USP24: variants seen among roughly 807,000 people sequenced by gnomAD.
USP24 encodes ubiquitin carboxyl-terminal hydrolase 24.
Under a neutral mutation model 361.6 loss-of-function variants are expected in USP24, and 97 were observed. That is an observed-to-expected ratio of 0.27 (90% CI 0.23 to 0.32). The LOEUF (loss-of-function observed/expected upper bound fraction) is 0.32. Ranked by LOEUF, USP24 falls within the 10% of genes least tolerant of loss-of-function variation. The probability of loss-of-function intolerance (pLI) is 1.00; values close to 1 mark genes in which losing one functional copy is unlikely to be tolerated. For missense variants in USP24, 2,353 were observed against 3,165.6 expected (o/e 0.74, Z 6.16); for synonymous variants, 1,098 against 1,124.6 (o/e 0.98, Z 0.47).
At chr1:55,129,247 C>T (rs1168336554) in intron 32 of USP24, among the ~76,000 whole-genome samples, 1 of 152,114 alleles carries the variant, frequency 6.6e-6, no homozygotes, top group Non-Finnish European at 1.5e-5. Flanking sequence ...AAAATTTCCC[C>T]CACTACCAGA....
In USP24 at chr1:55,177,926, G is replaced by T. The variant is rs1650151434; in HGVS notation, c.490+41C>A. The T allele has an allele frequency of 4.6e-6, 7 of 1,524,168 alleles. No individual in the cohort carries two copies. In the South Asian group the frequency reaches 8.6e-5, roughly 19 times the overall value. The allele number at this position is 1,524,168 out of a possible 1,614,324, so 94.4% of individuals were successfully genotyped here. ...CTAAGATTAAACTCAGGCCTTCTAT[G>T]AAACAAATGTCCTCATGTGTTCTAA... On this transcript the variant is annotated intron_variant, in intron 2 of 67. Coordinates refer to ENST00000294383, the MANE Select transcript of USP24 (RefSeq NM_015306.3).
In USP24 at chr1:55,077,307, T is replaced by C. The variant is rs769193274; in HGVS notation, c.7315-7A>G. Reference sequence around the variant, plus strand: ...GAGCCGTTTCTAGTTGGTTCTGAAATATTTTTTAAAAGCATAAAAACTTCA... The same window carrying C: ...GAGCCGTTTCTAGTTGGTTCTGAAACATTTTTTAAAAGCATAAAAACTTCA... On this transcript the variant is annotated splice_region_variant and splice_polypyrimidine_tract_variant and intron_variant, in intron 61 of 67. Transcript: ENST00000294383. 5 of 1,549,016 alleles carry C rather than the reference T, an allele frequency of 3.2e-6. No homozygotes were observed. In the African/African-American group the frequency reaches 4.1e-5, roughly 13 times the overall value.
chr1:55,079,979 C>G (rs1411715485), intron 59 of USP24, among the ~76,000 whole-genome samples: 2 of 152,114 alleles, frequency 1.3e-5, no homozygotes, highest in Admixed American at 1.3e-4. Flanking sequence ...CCCTCACAGT[C>G]TAGGGGGGAT....
chr1:55,115,326 C>T (rs981196185), intron 38 of USP24, among the ~76,000 whole-genome samples: 3 of 151,530 alleles, frequency 2.0e-5, no homozygotes, highest in Non-Finnish European at 2.9e-5. Flanking sequence ...GAAACCCCGT[C>T]TCTACTAAAA....
chr1:55,138,654 G>C lies in USP24; in HGVS notation c.2882C>G (p.Thr961Ser), dbSNP rs1406269953. The C allele has an allele frequency of 1.2e-6, 2 of 1,613,112 alleles. No homozygotes were observed. Among genetic ancestry groups the C allele is most frequent in the Non-Finnish European group, 1.7e-6 (2 of 1,179,460 alleles). Residue 961 changes from threonine (T) to serine (S), a missense_variant, in exon 26 of 68, where the codon ACC becomes AGC. Around this residue, in one of 8 missense-constraint regions of USP24, gnomAD observed 949 missense variants for 1,280.5 expected, o/e 0.74. Transcript: ENST00000294383. ...HGASFHGHLL[T>S]LNVTYESTKD... is the part of the protein sequence containing the mutation. ...GGTAGACTCATAGGTAACATTAAGG[G>C]TTAAAAGATGTCCATGAAATGAGGC...
At chr1:55,207,434 CTGA>C (rs1644740394) in intron 1 of USP24, among the ~76,000 whole-genome samples, 1 of 152,186 alleles carries the variant, frequency 6.6e-6, no homozygotes, top group Non-Finnish European at 1.5e-5. Flanking sequence ...TGGAAACCTA[CTGA>C]TACAGGAGTT....
rs1645588670 is a variant in USP24, at chr1:55,099,884, T to G, written c.5272-15A>C. 6.6e-7 allele frequency: 1 copy of G among 1,525,952 alleles called. No homozygotes were observed. The highest frequency in any genetic ancestry group is 1.4e-5 in the African/African-American group (1 of 72,028). The allele number at this position is 1,525,952 out of a possible 1,614,324, so 94.5% of individuals were successfully genotyped here. On this transcript the variant is annotated splice_polypyrimidine_tract_variant and intron_variant, in intron 44 of 67. Coordinates refer to ENST00000294383, the MANE Select transcript of USP24 (RefSeq NM_015306.3). ...ATCTTGAAAATCTATATAACAAAAA[T>G]TAAATGTTTTTAAAGGAAAAGTAGC... is the stretch of plus-strand genomic sequence containing the variant.
At position 55,147,674 on chromosome 1, in the gene USP24, A is replaced by T; in HGVS notation, c.2093T>A (p.Val698Glu). Residue 698 changes from valine (V) to glutamate (E), a missense_variant, in exon 18 of 68, where the codon GTG becomes GAG. By Grantham distance (121) the Val-to-Glu change is moderately radical. Transcript: ENST00000294383. ...CTCCCGGTAAGTGTACCGGCCATCCACTAGTGTCGAGCCACTTAAGCCTCC... is the reference window on the plus strand; with the variant it reads ...CTCCCGGTAAGTGTACCGGCCATCCTCTAGTGTCGAGCCACTTAAGCCTCC... ...GPGGLSGSTL[V>E]DGRYTYREYL... is the part of the protein sequence containing the mutation. 1 of 1,610,386 alleles carries T rather than the reference A, an allele frequency of 6.2e-7. No individual in the cohort carries two copies. Among genetic ancestry groups the T allele is most frequent in the Non-Finnish European group, 8.5e-7 (1 of 1,178,216 alleles).
intron 66 of USP24, 91 bp from the exon 67 acceptor site, chr1:55,072,015 C>T (rs1012822481): frequency 8.7e-7 from 1 of 1,155,534 alleles, no homozygotes. Context: ...ATCTGACCTT[C>T]AGTGGGACCG....
chr1:55,138,936 T>C lies in USP24; in HGVS notation c.2817+8A>G, dbSNP rs752816322. 6.2e-7 allele frequency: 1 copy of C among 1,610,340 alleles called. No individual in the cohort carries two copies. The highest frequency in any genetic ancestry group is 8.5e-7 in the Non-Finnish European group (1 of 1,178,580). On this transcript the variant is annotated splice_region_variant and intron_variant, in intron 25 of 67. Coordinates refer to ENST00000294383, the MANE Select transcript of USP24 (RefSeq NM_015306.3). ...CAACATACATCTTAAAAAAAGGAAG[T>C]GGCTTACCTCTATAGTGATCACATA... is the stretch of plus-strand genomic sequence containing the variant.
intron 51 of USP24, 125 bp from the exon 52 acceptor site, chr1:55,094,212 A>G: frequency 1.1e-6 from 1 of 913,766 alleles, no homozygotes; most frequent in Non-Finnish European, 1.6e-6. Context: ...GTATCGAAAC[A>G]TAAAACTGTA....
Position 55,165,808 on chromosome 1 carries a change from A to T in USP24, c.927+77T>A, listed in dbSNP as rs1295239794. ...ATTTAACATTTAACTTGGCATGTCCAGACCATATCCTCTGGCTGTACACCA... is the reference window on the plus strand; with the variant it reads ...ATTTAACATTTAACTTGGCATGTCCTGACCATATCCTCTGGCTGTACACCA... On this transcript the variant is annotated intron_variant, in intron 7 of 67. Coordinates refer to ENST00000294383, the MANE Select transcript of USP24 (RefSeq NM_015306.3). 4.7e-6 allele frequency: 6 copies of T among 1,281,118 alleles called. No individual in the cohort carries two copies. In the African/African-American group the frequency reaches 7.5e-5, roughly 16 times the overall value. The allele number at this position is 1,281,118 out of a possible 1,614,324, so 79.4% of individuals were successfully genotyped here. A position where few individuals can be genotyped will look rare whatever the true frequency, so the allele number is the denominator to read the frequency against.
In USP24 at chr1:55,178,173, T is replaced by C. The variant is rs373301160; in HGVS notation, c.325-41A>G. On this transcript the variant is annotated intron_variant, in intron 1 of 67. Transcript: ENST00000294383. The stretch of plus-strand genomic sequence containing the variant: ...TAAGATAAAAAGCAAATAAAACTAA[T>C]TAGTGATTACTCTAAAAATTTCCTA... The C allele has an allele frequency of 6.3e-4, 974 of 1,547,380 alleles. 2 individuals carry two copies. The African/African-American group carries it at 0.011, about 18-fold the overall frequency.
chr1:55,159,015 G>A lies in USP24; in HGVS notation c.1090C>T (p.Leu364Phe). The A allele has an allele frequency of 1.3e-6, 2 of 1,549,998 alleles. No individual in the cohort carries two copies. The highest frequency in any genetic ancestry group is 1.7e-6 in the Non-Finnish European group (2 of 1,147,588). ...CAAAGTAACTTAACGGCAGACAAGA[G>A]CTCAGGGATGCTAACCAATCTCTTT... ...KDKRLVSIPE[L>F]LSAVKLLCMR... The change falls in exon 10 of 68, where the codon CTC becomes TTC. Residue 364 changes from leucine to phenylalanine, a missense_variant. Leu to Phe is a conservative substitution (Grantham distance 22). Transcript: ENST00000294383.
At chr1:55,144,911 G>A (rs1646987361) in intron 20 of USP24, among the ~76,000 whole-genome samples, 1 of 152,108 alleles carries the variant, frequency 6.6e-6, no homozygotes, top group African/African-American at 2.4e-5. Context: ...TCCAGCCTGG[G>A]CGACAAGAGT....
chr1:55,139,220 T>C (rs1455654303), intron 24 of USP24, among the ~76,000 whole-genome samples: 1 of 152,214 alleles, frequency 6.6e-6, no homozygotes, highest in Non-Finnish European at 1.5e-5. Context: ...GGGAGAAGCC[T>C]ATACCTCCCC....
At chr1:55,138,105 A>C (rs201879121) in intron 26 of USP24, among the ~76,000 whole-genome samples, 1 of 151,992 alleles carries the variant, frequency 6.6e-6, no homozygotes, top group East Asian at 1.9e-4. Context: ...CCTCCTCCCC[A>C]TCAAGCGTGG....
intron 67 of USP24, among the ~76,000 whole-genome samples, chr1:55,070,758 C>G (rs1021816314): frequency 2.0e-5 from 3 of 152,094 alleles, no homozygotes; most frequent in Non-Finnish European, 4.4e-5. Context: ...TGTGCTGAGA[C>G]GTCGCTGGGA....
At chr1:55,175,318 C>T (rs1649869174) in intron 3 of USP24, among the ~76,000 whole-genome samples, 1 of 150,404 alleles carries the variant, frequency 6.6e-6, no homozygotes, top group African/African-American at 2.4e-5. Flanking sequence ...CCTCCACCTC[C>T]CGGGTTCAAC....
Sources: allele counts gnomAD v4.1 joint callset (sites outside exome capture counted in the v4.1 genomes callset), GRCh38; gene constraint gnomAD v4.1.1; regional missense constraint gnomAD v4.1.1; transcripts MANE v1.5; gene names NCBI Gene and HGNC (gene_info 2026-07-23, HGNC 2026-07-21).